Variants in TMEM39A observed in about 807,000 individuals in gnomAD.
TMEM39A encodes transmembrane protein 39A, also known as suppressor of SQST-1 aggregates in rpl-43 mutants.
TMEM39A carries 19 observed loss-of-function variants against 51.9 expected under a neutral mutation model. That is an observed-to-expected ratio of 0.37 (90% CI 0.26 to 0.54). The LOEUF (loss-of-function observed/expected upper bound fraction) is 0.54, where lower values mean the gene tolerates loss of function less well. Among genes scored for constraint, TMEM39A ranks in the 20% least tolerant of loss-of-function variants. The probability of loss-of-function intolerance (pLI) is 0.88; values close to 1 mark genes in which losing one functional copy is unlikely to be tolerated. For synonymous variants in TMEM39A, 197 were observed against 220.2 expected, an observed-to-expected ratio of 0.89 and a Z score of 0.93; for missense variants, 433 against 590.5, an observed-to-expected ratio of 0.73 and a Z score of 2.76.
intron 4 of TMEM39A, among the ~76,000 whole-genome samples, chr3:119,450,115 T>C (rs868604514): frequency 1.3e-5 from 2 of 152,256 alleles, no homozygotes; most frequent in Admixed American, 1.3e-4. Context: ...ACAGCTCTTA[T>C]TTTAAATTTT....
chr3:119,449,073 T>C (rs183416066), intron 4 of TMEM39A, among the ~76,000 whole-genome samples: 151 of 152,290 alleles, frequency 9.9e-4, no homozygotes, highest in African/African-American at 3.4e-3. Context: ...ATTCTAGAGA[T>C]GGCTTGTGTT....
chr3:119,446,717 C>T (rs2081130382), intron 5 of TMEM39A: 1 of 240,372 alleles, frequency 4.2e-6, no homozygotes, highest in Admixed American at 5.4e-5. Flanking sequence ...TACCGTTTAC[C>T]CAAATATAGA....
intron 8 of TMEM39A, among the ~76,000 whole-genome samples, chr3:119,432,711 T>C (rs940771956): frequency 6.6e-6 from 1 of 152,144 alleles, no homozygotes; most frequent in Non-Finnish European, 1.5e-5. Flanking sequence ...CTAGACAAGT[T>C]TGGGGAAAAG....
At chr3:119,463,033 T>C (rs1307742668) in intron 1 of TMEM39A, among the ~76,000 whole-genome samples, 4 of 152,194 alleles carry the variant, frequency 2.6e-5, no homozygotes, top group Non-Finnish European at 5.9e-5. Context: ...ATGCTCCCTA[T>C]TCCTAACAGC....
intron 2 of TMEM39A, among the ~76,000 whole-genome samples, chr3:119,458,741 A>C (rs927292406): frequency 1.3e-5 from 2 of 152,038 alleles, no homozygotes; most frequent in African/African-American, 4.8e-5. Flanking sequence ...CTAAAAATAC[A>C]AAAATTAGCC....
Position 119,429,208 on chromosome 3 carries a change from T to TA in TMEM39A, c.*2772dup, listed in dbSNP as rs947495373. 9.9e-5 allele frequency among the ~76,000 whole-genome samples: 15 copies of TA among 151,124 alleles called. No homozygotes were observed. The highest frequency in any genetic ancestry group is 1.8e-4 in the Non-Finnish European group (12 of 67,706). ...GCTTAATAGAAATAAAAAAATTAAT[T>TA]AAAAAAAAGAGAGAGAAACGGCACA... is the stretch of plus-strand genomic sequence containing the variant. On this transcript the variant is annotated 3_prime_UTR_variant, in exon 9 of 9. Coordinates refer to ENST00000319172, the MANE Select transcript of TMEM39A (RefSeq NM_018266.3).
chr3:119,460,286 G>A (rs1577067813), intron 2 of TMEM39A, among the ~76,000 whole-genome samples: 1 of 152,142 alleles, frequency 6.6e-6, no homozygotes, highest in East Asian at 1.9e-4. Context: ...GGATAGAAGA[G>A]CTACAGTGAA....
chr3:119,440,980 C>A (rs560020976), intron 5 of TMEM39A, among the ~76,000 whole-genome samples: 1 of 152,160 alleles, frequency 6.6e-6, no homozygotes, highest in African/African-American at 2.4e-5. Context: ...ATCTGTTATG[C>A]GAAATGTGAT....
chr3:119,445,556 C>T (rs988913891), intron 5 of TMEM39A, among the ~76,000 whole-genome samples: 3 of 152,286 alleles, frequency 2.0e-5, no homozygotes, highest in East Asian at 1.9e-4. Flanking sequence ...TGAGCCACCG[C>T]GCCCGGCGGG....
chr3:119,431,927 T>A lies in TMEM39A; in HGVS notation c.*54A>T, dbSNP rs992120661. 1.7e-6 allele frequency: 2 copies of A among 1,184,416 alleles called. No homozygotes were observed. Among genetic ancestry groups the A allele is most frequent in the African/African-American group, 1.6e-5 (1 of 63,764 alleles). The allele number at this position is 1,184,416 out of a possible 1,614,324, so 73.4% of individuals were successfully genotyped here. A position where few individuals can be genotyped will look rare whatever the true frequency, so the allele number is the denominator to read the frequency against. Reference sequence around the variant, plus strand: ...ATTTATAAAAATCACAAGAAAAAAATAGAACGTATGAAAATATTTTTATCT... The same window carrying A: ...ATTTATAAAAATCACAAGAAAAAAAAAGAACGTATGAAAATATTTTTATCT... On this transcript the variant is annotated 3_prime_UTR_variant, in exon 9 of 9. Coordinates refer to ENST00000319172, the MANE Select transcript of TMEM39A (RefSeq NM_018266.3).
At chr3:119,453,471 CA>C (rs199635766) in intron 3 of TMEM39A, among the ~76,000 whole-genome samples, 2 of 152,216 alleles carry the variant, frequency 1.3e-5, no homozygotes, top group East Asian at 3.8e-4. Context: ...GACTCCTAGC[CA>C]GCTAAAGGTT....
At chr3:119,434,710 T>G in intron 8 of TMEM39A, 52 bp downstream of exon 8, 1 of 1,603,286 alleles carries the variant, frequency 6.2e-7, no homozygotes, top group Non-Finnish European at 8.5e-7. Flanking sequence ...TAGAGTGGCC[T>G]CCTAACACTT....
Position 119,431,898 on chromosome 3 carries a change from A to T in TMEM39A, c.*83T>A. The T allele has an allele frequency of 1.1e-6, 1 of 930,692 alleles. No individual in the cohort carries two copies. The highest frequency in any genetic ancestry group is 1.6e-6 in the Non-Finnish European group (1 of 643,462). The allele number at this position is 930,692 out of a possible 1,614,324, so 57.7% of individuals were successfully genotyped here. On this transcript the variant is annotated 3_prime_UTR_variant, in exon 9 of 9. Transcript: ENST00000319172. ...TAGTATACAAAATATAAAATATCTT[A>T]AATATTTATAAAAATCACAAGAAAA...
chr3:119,435,628 A>T (rs139846707), intron 7 of TMEM39A: 1 of 984,580 alleles, frequency 1.0e-6, no homozygotes, highest in African/African-American at 1.7e-5. Context: ...GATTTTGGAA[A>T]GGTTAGTTTC....
At chr3:119,463,308 G>T in intron 1 of TMEM39A, 28 bp downstream of exon 1, 1 of 334,248 alleles carries the variant, frequency 3.0e-6, no homozygotes, top group Non-Finnish European at 5.4e-6. Context: ...AGGACAGCCG[G>T]ACCTTGGGGC....
At position 119,431,082 on chromosome 3, in the gene TMEM39A, A is replaced by C. The variant is rs1480859286; in HGVS notation, c.*899T>G. 1 of 152,124 alleles carries C rather than the reference A, an allele frequency of 6.6e-6. No homozygotes were observed. The highest frequency in any genetic ancestry group is 1.5e-5 in the Non-Finnish European group (1 of 67,994). The allele number at this position is 152,124 out of a possible 1,614,324, so 9.4% of individuals were successfully genotyped here. ...ATTCTTATCTTTCACTTCCCCTCATAACTCCAAACATAACGCCATTGTAGG... is the reference window on the plus strand; with the variant it reads ...ATTCTTATCTTTCACTTCCCCTCATCACTCCAAACATAACGCCATTGTAGG... On this transcript the variant is annotated 3_prime_UTR_variant, in exon 9 of 9. Coordinates refer to ENST00000319172, the MANE Select transcript of TMEM39A (RefSeq NM_018266.3).
intron 2 of TMEM39A, among the ~76,000 whole-genome samples, chr3:119,461,721 A>G (rs962555582): frequency 6.6e-6 from 1 of 152,230 alleles, no homozygotes; most frequent in African/African-American, 2.4e-5. Flanking sequence ...GGGGATAACA[A>G]GAATTTAGAT....
intron 7 of TMEM39A, 69 bp from the exon 8 acceptor site, chr3:119,434,951 G>GAT: frequency 6.4e-7 from 1 of 1,554,654 alleles, no homozygotes; most frequent in Non-Finnish European, 8.7e-7. Flanking sequence ...GGCAAGGCCA[G>GAT]CTGTATTTTT....
chr3:119,438,153 A>G (rs1211177051), intron 5 of TMEM39A, 50 bp from the exon 6 acceptor site: 6 of 1,404,196 alleles, frequency 4.3e-6, no homozygotes, highest in Non-Finnish European at 3.9e-6. Flanking sequence ...CTAAAATCAC[A>G]CCTTATAACT....
Sources: gnomAD v4.1 joint callset for allele counts (sites outside exome capture counted in the v4.1 genomes callset) on GRCh38, gnomAD v4.1.1 for gene constraint, MANE v1.5 for transcripts, NCBI Gene and HGNC (gene_info 2026-07-23, HGNC 2026-07-21) for gene names.